The following SGCZ variants were observed in gnomAD, a reference collection of about 807,000 sequenced individuals.
The protein encoded by SGCZ is sarcoglycan zeta, also known as zeta-sarcoglycan.
In SGCZ, 40 loss-of-function variants were observed where a neutral mutation model predicts 41.3. The observed-to-expected ratio is 0.97, with a 90% CI of 0.75 to 1.26. The LOEUF is 1.26. Ranked by LOEUF, SGCZ falls within the 50% of genes most tolerant of loss-of-function variation. The pLI is 0.00. For missense variants in SGCZ, 552 were observed against 369.8 expected (o/e 1.49, Z -4.04); for synonymous variants, 206 against 137.5 (o/e 1.50, Z -3.49).
intron 2 of SGCZ, among the ~76,000 whole-genome samples, chr8:14,550,293 T>C (rs2117175259): frequency 6.6e-6 from 1 of 151,190 alleles, no homozygotes; most frequent in African/African-American, 2.4e-5. Context: ...TGTATACAAA[T>C]ATGCATATAC....
chr8:14,811,887 A>G (rs570360997), intron 1 of SGCZ, among the ~76,000 whole-genome samples: 1 of 152,066 alleles, frequency 6.6e-6, no homozygotes, highest in South Asian at 2.1e-4. Context: ...TATTTCAATT[A>G]TATATAAGCA....
rs116146893 is a variant in SGCZ, at chr8:14,359,366, T to C, written c.235-35162A>G. Among the ~76,000 whole-genome samples, 436 of 152,010 alleles carry C rather than the reference T, an allele frequency of 2.9e-3. 2 individuals carry two copies. Among genetic ancestry groups the C allele is most frequent in the African/African-American group, 0.01 (429 of 41,436 alleles). On this transcript the variant is annotated intron_variant, in intron 2 of 7. Transcript: ENST00000382080. ...GAAATACTGTACTTAATCCACACTA[T>C]AGACAAAATGAATCTAATAGATATG...
rs538189324 is a variant in SGCZ at position 14,100,962 on chromosome 8, T to C, written c.744+1414A>G. 7.9e-5 allele frequency among the ~76,000 whole-genome samples: 12 copies of C among 152,052 alleles called. 1 individual carries two copies. In the South Asian group the frequency reaches 1.7e-3, roughly 21 times the overall value. On this transcript the variant is annotated intron_variant, in intron 7 of 7. Coordinates refer to ENST00000382080, the MANE Select transcript of SGCZ (RefSeq NM_139167.4). ...GAAAATAAAACACCTAGGGAATGTATTGGTAGGAAAAGCAATACAACAGAT... is the reference window on the plus strand; with the variant it reads ...GAAAATAAAACACCTAGGGAATGTACTGGTAGGAAAAGCAATACAACAGAT...
At chr8:14,363,669 A>G (rs1264930551) in intron 2 of SGCZ, among the ~76,000 whole-genome samples, 1 of 152,126 alleles carries the variant, frequency 6.6e-6, no homozygotes, top group Non-Finnish European at 1.5e-5. Flanking sequence ...ATTCAGTTTT[A>G]TTCAGTTAAC....
chr8:15,184,464 G>A (rs1264137535), intron 1 of SGCZ, among the ~76,000 whole-genome samples: 3 of 151,832 alleles, frequency 2.0e-5, no homozygotes, highest in Admixed American at 6.6e-5. Flanking sequence ...AAGTTGTATC[G>A]GGCATGAGTT....
At chr8:15,195,904 T>A (rs912953950) in intron 1 of SGCZ, among the ~76,000 whole-genome samples, 10 of 126,832 alleles carry the variant, frequency 7.9e-5, no homozygotes, top group African/African-American at 3.0e-4. Context: ...TTTTTTTTTT[T>A]TTTTTTTTTT....
intron 1 of SGCZ, among the ~76,000 whole-genome samples, chr8:14,556,285 C>A (rs551387542): frequency 3.2e-4 from 49 of 151,168 alleles, no homozygotes; most frequent in African/African-American, 1.2e-3. Context: ...TATTAAATGA[C>A]GAATCTAACA....
At chr8:15,053,528 A>T (rs912559129) in intron 1 of SGCZ, among the ~76,000 whole-genome samples, 1 of 152,148 alleles carries the variant, frequency 6.6e-6, no homozygotes, top group Admixed American at 6.5e-5. Flanking sequence ...AGAACTGAGA[A>T]CCACAATTAA....
chr8:14,593,969 G>A (rs1364901020), intron 1 of SGCZ, among the ~76,000 whole-genome samples: 3 of 152,012 alleles, frequency 2.0e-5, no homozygotes, highest in African/African-American at 7.2e-5. Context: ...GAGGTCAGGA[G>A]TTCGAGAGCA....
chr8:14,739,387 T>A (rs1374471699), intron 1 of SGCZ, among the ~76,000 whole-genome samples: 1 of 152,068 alleles, frequency 6.6e-6, no homozygotes, highest in East Asian at 1.9e-4. Flanking sequence ...AAAATTGGAA[T>A]CCATTAATTA....
intron 1 of SGCZ, among the ~76,000 whole-genome samples, chr8:14,745,056 T>C (rs936766395): frequency 6.6e-6 from 1 of 152,344 alleles, no homozygotes; most frequent in African/African-American, 2.4e-5. Flanking sequence ...ATAACGTAAA[T>C]GTATTATTTC....
chr8:14,778,460 G>T lies in SGCZ; in HGVS notation c.40-223534C>A, dbSNP rs73531197. On this transcript the variant is annotated intron_variant, in intron 1 of 7. Coordinates refer to ENST00000382080, the MANE Select transcript of SGCZ (RefSeq NM_139167.4). ...GTCCATAGTTTTCATCAGATGCTCAGACTCTACTGTCCCCAAAAGCATGGG... is the reference window on the plus strand; with the variant it reads ...GTCCATAGTTTTCATCAGATGCTCATACTCTACTGTCCCCAAAAGCATGGG... 2.0e-5 allele frequency among the ~76,000 whole-genome samples: 3 copies of T among 151,988 alleles called. 1 individual carries two copies. Among genetic ancestry groups the T allele is most frequent in the Non-Finnish European group, 2.9e-5 (2 of 68,010 alleles).
rs558311190 is a variant in SGCZ at position 14,136,537 on chromosome 8, C to T, written c.547+28043G>A. 3.9e-5 allele frequency among the ~76,000 whole-genome samples: 6 copies of T among 152,316 alleles called. No homozygotes were observed. The East Asian group carries it at 9.7e-4, about 25-fold the overall frequency. ...TCAGTGAGTTCCACACCCAAAGAGC[C>T]TTGCTCACTGCTAGCACAGCAGTCC... On this transcript the variant is annotated intron_variant, in intron 5 of 7. Transcript: ENST00000382080.
chr8:15,138,550 T>C (rs1247635192), intron 1 of SGCZ, among the ~76,000 whole-genome samples: 1 of 152,080 alleles, frequency 6.6e-6, no homozygotes, highest in Non-Finnish European at 1.5e-5. Context: ...TGAGGGTGGT[T>C]TCCTCCATGC....
chr8:14,512,287 A>T (rs983355078), intron 2 of SGCZ, among the ~76,000 whole-genome samples: 11 of 152,094 alleles, frequency 7.2e-5, no homozygotes, highest in African/African-American at 2.7e-4. Flanking sequence ...ATATAAGAAG[A>T]TCTATTTATA....
At chr8:14,162,056 A>G (rs1303340056) in intron 5 of SGCZ, among the ~76,000 whole-genome samples, 3 of 152,204 alleles carry the variant, frequency 2.0e-5, no homozygotes, top group African/African-American at 4.8e-5. Flanking sequence ...TTTCTTGCCA[A>G]TTTGGGCTAA....
At chr8:14,694,357 G>A (rs561720140) in intron 1 of SGCZ, among the ~76,000 whole-genome samples, 2 of 152,112 alleles carry the variant, frequency 1.3e-5, no homozygotes, top group East Asian at 3.9e-4. Flanking sequence ...TATTTTTCTG[G>A]GATATTTTGC....
intron 1 of SGCZ, among the ~76,000 whole-genome samples, chr8:15,082,846 A>G (rs1033903006): frequency 6.6e-5 from 10 of 152,152 alleles, no homozygotes; most frequent in Non-Finnish European, 1.5e-4. Flanking sequence ...CATATCTAAA[A>G]ATGACCTTAC....
intron 4 of SGCZ, among the ~76,000 whole-genome samples, chr8:14,218,323 C>G (rs1806071967): frequency 6.6e-6 from 1 of 151,948 alleles, no homozygotes; most frequent in Non-Finnish European, 1.5e-5. Context: ...AAAGGTATAC[C>G]AGTTCCAAAA....
Sources: gnomAD v4.1 joint callset for allele counts (sites outside exome capture counted in the v4.1 genomes callset) on GRCh38, gnomAD v4.1.1 for gene constraint, MANE v1.5 for transcripts, NCBI Gene and HGNC (gene_info 2026-07-23, HGNC 2026-07-21) for gene names.